RPL7: variants seen among roughly 807,000 people sequenced by gnomAD.
RPL7 encodes the protein large ribosomal subunit protein uL30.
For synonymous variants in RPL7, 100 were observed against 102.2 expected, an observed-to-expected ratio of 0.98 and a Z score of 0.13; for missense variants, 205 against 301.9, an observed-to-expected ratio of 0.68 and a Z score of 2.38.
intron 3 of RPL7, 56 bp downstream of exon 3, chr8:73,292,183 T>A (rs1008319520): frequency 6.9e-7 from 1 of 1,440,354 alleles, no homozygotes; most frequent in South Asian, 1.2e-5. Context: ...AGAAGTAATG[T>A]GAAGGTTTTT....
Position 73,290,903 on chromosome 8 carries a change from A to G in RPL7, c.*1+140T>C. ...AGTAAACAAACCAACTGTAATCATT[A>G]AGATAGTTGACCCCCACTCCCCACA... On this transcript the variant is annotated intron_variant, in intron 6 of 6. Coordinates refer to ENST00000352983, the MANE Select transcript of RPL7 (RefSeq NM_000971.4). 7.5e-6 allele frequency: 5 copies of G among 669,742 alleles called. No homozygotes were observed. The East Asian group carries it at 1.4e-4, about 18-fold the overall frequency. The allele number at this position is 669,742 out of a possible 1,614,324, so 41.5% of individuals were successfully genotyped here.
intron 3 of RPL7, 110 bp downstream of exon 3, chr8:73,292,129 C>T: frequency 8.4e-7 from 1 of 1,191,254 alleles, no homozygotes; most frequent in Non-Finnish European, 1.2e-6. Context: ...GTTCTAGCTT[C>T]CCCTAAAATA....
rs1454680440 is a variant in RPL7, at chr8:73,290,582, T to TA, written c.*124dup. On this transcript the variant is annotated 3_prime_UTR_variant, in exon 7 of 7. Transcript: ENST00000352983. ...CACACACCACACTTGCCACAGTAGT[T>TA]AAGGGAAGACAGAGGCAGGCTAACA... 1 of 155,652 alleles carries TA rather than the reference T, an allele frequency of 6.4e-6. No homozygotes were observed. The highest frequency in any genetic ancestry group is 1.9e-4 in the East Asian group (1 of 5,324). 9.6% of individuals were successfully genotyped at this position (155,652 alleles called of 1,614,324 possible).
chr8:73,292,782 C>G lies in RPL7; in HGVS notation c.30G>C (p.Glu10Asp). The part of the protein sequence containing the change: MEGVEEKKK[E>D]VPAVPETLKK... ...TAAGGGTTTCTGGCACAGCAGGAAC[C>G]TCCTTCTTCTTCTCTCTAACGTTAA... Residue 10 changes from glutamate (E) to aspartate (D), a missense_variant, in exon 2 of 7, where the codon GAG becomes GAC. Physicochemically the swap from Glu to Asp is conservative, Grantham distance 45 (BLOSUM62 2). Transcript: ENST00000352983. The G allele has an allele frequency of 6.2e-7, 1 of 1,608,568 alleles. No homozygotes were observed. Among genetic ancestry groups the G allele is most frequent in the Non-Finnish European group, 8.5e-7 (1 of 1,178,294 alleles).
At chr8:73,292,846 C>T in intron 1 of RPL7, 49 bp from the exon 2 acceptor site, 2 of 1,350,278 alleles carry the variant, frequency 1.5e-6, no homozygotes, top group Non-Finnish European at 2.1e-6. Context: ...AAGCTCACAG[C>T]GCTGTATTAC....
chr8:73,293,331 C>A, intron 1 of RPL7: 1 of 488,786 alleles, frequency 2.0e-6, no homozygotes, highest in Non-Finnish European at 3.7e-6. Flanking sequence ...GAAAGACCCT[C>A]TACCGAGGAC....
intron 5 of RPL7, 21 bp downstream of exon 5, chr8:73,291,531 T>G (rs759850644): frequency 1.3e-6 from 2 of 1,562,032 alleles, no homozygotes; most frequent in South Asian, 2.3e-5. Flanking sequence ...AATACCAAAT[T>G]TTCCCCCAAA....
At chr8:73,292,188 G>GGT in intron 3 of RPL7, 51 bp downstream of exon 3, 1 of 1,283,526 alleles carries the variant, frequency 7.8e-7, no homozygotes, top group Non-Finnish European at 1.1e-6. Flanking sequence ...TAATGTGAAG[G>GGT]TTTTTTTTTT....
intron 1 of RPL7, 184 bp downstream of exon 1, chr8:73,293,414 TC>T (rs1814160445): frequency 1.5e-6 from 1 of 648,564 alleles, no homozygotes; most frequent in Non-Finnish European, 2.6e-6. Context: ...CTCCAAAACC[TC>T]CGTCCTAAGA....
intron 1 of RPL7, 149 bp downstream of exon 1, chr8:73,293,450 C>A (rs754618017): frequency 6.3e-6 from 6 of 953,824 alleles, no homozygotes; most frequent in Admixed American, 2.2e-5. Context: ...ACCCTAGCCT[C>A]AGGTCCCCAC....
rs754454754 is a variant in RPL7 at position 73,291,033 on chromosome 8, G to A, written c.*1+10C>T. On this transcript the variant is annotated intron_variant, in intron 6 of 6. Coordinates refer to ENST00000352983, the MANE Select transcript of RPL7 (RefSeq NM_000971.4). ...ATTAACTCAACCTTTCTCAGGATGA[G>A]GTCTCTCACCTTAGTTCATTCTTCT... is the stretch of plus-strand genomic sequence containing the variant. 3 of 1,599,660 alleles carry A rather than the reference G, an allele frequency of 1.9e-6. No homozygotes were observed. Among genetic ancestry groups the A allele is most frequent in the African/African-American group, 2.7e-5 (2 of 74,590 alleles).
chr8:73,293,899 G>C (rs1184969772), upstream of RPL7: 1 of 403,078 alleles, frequency 2.5e-6, no homozygotes, highest in Non-Finnish European at 4.7e-6. Flanking sequence ...CCCAGGCTGC[G>C]CTGACAGGAT....
chr8:73,293,024 TAC>T (rs1026261632), intron 1 of RPL7: 13 of 398,544 alleles, frequency 3.3e-5, no homozygotes, highest in African/African-American at 2.7e-4. Context: ...ACAATAGCAA[TAC>T]GTTTTTCCCT....
At position 73,292,376 on chromosome 8, in the gene RPL7, A is replaced by G. The variant is rs1814121469; in HGVS notation, c.153T>C (p.Tyr51=). The G allele has an allele frequency of 6.3e-7, 1 of 1,598,024 alleles. No homozygotes were observed. The highest frequency in any genetic ancestry group is 1.3e-5 in the African/African-American group (1 of 74,724). ...MLRKARRKLI[Y]EKAKHYHKEY... is the part of the protein sequence containing the mutation. Reference sequence around the variant, plus strand: ...CCTTGTGATAGTGCTTTGCTTTTTCATAGATAAGCTTCCTCCTTGCCTTTC... The same window carrying G: ...CCTTGTGATAGTGCTTTGCTTTTTCGTAGATAAGCTTCCTCCTTGCCTTTC... Residue 51 remains tyrosine (Y), a synonymous_variant, in exon 3 of 7, where the codon TAT becomes TAC. Transcript: ENST00000352983.
At chr8:73,292,537 C>CA in intron 2 of RPL7, 132 bp from the exon 3 acceptor site, 2 of 1,020,380 alleles carry the variant, frequency 2.0e-6, no homozygotes, top group East Asian at 2.4e-5. Flanking sequence ...CATCCCCCAC[C>CA]AAAAAACCCC....
chr8:73,293,385 G>T (rs1230478061), intron 1 of RPL7: 3 of 557,710 alleles, frequency 5.4e-6, no homozygotes, highest in Non-Finnish European at 9.6e-6. Flanking sequence ...ATTCCAACCC[G>T]ACATCTCGTT....
chr8:73,293,521 G>A, intron 1 of RPL7, 78 bp downstream of exon 1: 1 of 1,566,742 alleles, frequency 6.4e-7, no homozygotes, highest in Non-Finnish European at 8.7e-7. Flanking sequence ...GCTACGGCCA[G>A]AGAGAGAAAA....
upstream of RPL7, chr8:73,294,197 C>G (rs766716812): frequency 5.7e-5 from 9 of 157,060 alleles, no homozygotes; most frequent in Non-Finnish European, 1.1e-4. Context: ...TGTCGTCGCT[C>G]CAGCCCACAG....
In RPL7 at chr8:73,292,246, T is replaced by C; in HGVS notation, c.283A>G (p.Ile95Val). ...CAGTAAAACTGAACTTACCCTCTGA[T>C]TCTGATGACAAACGCCAATTTGGGT... ...AEPKLAFVIR[I>V]RGINGVSPKV... Residue 95 changes from isoleucine (I) to valine (V), a missense_variant, in exon 3 of 7, where the codon ATC becomes GTC. Ile to Val is a conservative substitution (Grantham distance 29). Transcript: ENST00000352983. The C allele has an allele frequency of 6.2e-7, 1 of 1,612,798 alleles. No individual in the cohort carries two copies.
Sources: gnomAD v4.1 joint callset for allele counts on GRCh38, gnomAD v4.1.1 for gene constraint, MANE v1.5 for transcripts, NCBI Gene and HGNC (gene_info 2026-07-23, HGNC 2026-07-21) for gene names.